Variants in C4orf17 observed in about 807,000 individuals in gnomAD.
The protein encoded by C4orf17 is chromosome 4 open reading frame 17, also known as uncharacterized protein C4orf17.
C4orf17 carries 25 observed loss-of-function variants against 32.0 expected under a neutral mutation model. That is an observed-to-expected ratio of 0.78 (90% CI 0.57 to 1.09). C4orf17 has a LOEUF of 1.09. Among genes scored for constraint, C4orf17 ranks in the 50% least tolerant of loss-of-function variants. The probability of loss-of-function intolerance (pLI) is 0.00; values close to 1 mark genes in which losing one functional copy is unlikely to be tolerated. For synonymous variants in C4orf17, 149 were observed against 145.8 expected, an observed-to-expected ratio of 1.02 and a Z score of -0.16; for missense variants, 420 against 420.0, an observed-to-expected ratio of 1.00 and a Z score of 0.00.
intron 8 of C4orf17, 63 bp from the exon 9 acceptor site, chr4:99,541,847 C>A: frequency 1.7e-6 from 2 of 1,165,988 alleles, no homozygotes; most frequent in Non-Finnish European, 2.5e-6. Context: ...ACTACTAAAA[C>A]ATGGAGAAGG....
At chr4:99,520,338 G>T (rs570901655) in intron 2 of C4orf17, among the ~76,000 whole-genome samples, 1 of 151,774 alleles carries the variant, frequency 6.6e-6, no homozygotes, top group Non-Finnish European at 1.5e-5. Context: ...CTCGTGATCC[G>T]CCCGCCTCAG....
intron 2 of C4orf17, among the ~76,000 whole-genome samples, chr4:99,518,498 AAAAAAAAAAAAAAAAAAAAAATATAT>A (rs1723223704): frequency 4.1e-5 from 2 of 49,070 alleles, no homozygotes; most frequent in African/African-American, 3.2e-4. Flanking sequence ...AAAAAAAAAA[AAAAAAAAAAAAAAAAAAAAAATATAT>A]ATATATATAT....
rs199802630 is a variant in C4orf17 at position 99,524,594 on chromosome 4, C to G, written c.402+9C>G. The G allele has an allele frequency of 6.5e-7, 1 of 1,533,742 alleles. No individual in the cohort carries two copies. Among genetic ancestry groups the G allele is most frequent in the Middle Eastern group, 1.7e-4 (1 of 5,882 alleles). On this transcript the variant is annotated intron_variant, in intron 4 of 8. Transcript: ENST00000326581. Reference sequence around the variant, plus strand: ...CCTTAGTAATTAAAAAGGTAAGGAACAGCTATTTACTGCTATCTATTTAGT... The same window carrying G: ...CCTTAGTAATTAAAAAGGTAAGGAAGAGCTATTTACTGCTATCTATTTAGT...
Position 99,522,680 on chromosome 4 carries a change from G to A in C4orf17, c.308G>A (p.Gly103Asp). 1 of 1,613,820 alleles carries A rather than the reference G, an allele frequency of 6.2e-7. No homozygotes were observed. ...PVRGMSPAPN[G>D]AKVPPRPHSE... ...AGAGGAATGTCGCCAGCCCCAAACG[G>A]TGCCAAAGTGCCTCCACGGCCTCAT... Residue 103 changes from glycine (G) to aspartate (D), a missense_variant, in exon 3 of 9, where the codon GGT (glycine) becomes GAT (aspartate). Transcript: ENST00000326581.
chr4:99,513,102 A>T lies in C4orf17; in HGVS notation c.21A>T (p.Thr7=), dbSNP rs112241691. The T allele has an allele frequency of 1.6e-5, 26 of 1,613,852 alleles. No homozygotes were observed. The African/African-American group carries it at 2.0e-4, about 12-fold the overall frequency. The change falls in exon 2 of 9, where the codon ACA becomes ACT. Residue 7 remains threonine (T), a synonymous_variant. Coordinates refer to ENST00000326581, the MANE Select transcript of C4orf17 (RefSeq NM_032149.3). ...CAAACATGAACCTCAACCCCCCGAC[A>T]TCTGCTCTTCAGATCGAGGGCAAAG... MNLNPP[T]SALQIEGKGS... is the part of the protein sequence containing the mutation.
At chr4:99,524,386 T>C in intron 3 of C4orf17, 135 bp from the exon 4 acceptor site, 1 of 557,048 alleles carries the variant, frequency 1.8e-6, no homozygotes, top group Non-Finnish European at 3.2e-6. Context: ...AATTTCCTAA[T>C]ATTTATAAAC....
rs756879880 is a variant in C4orf17, at chr4:99,522,715, T to C, written c.337+6T>C. On this transcript the variant is annotated splice_donor_region_variant and intron_variant, in intron 3 of 8. Transcript: ENST00000326581. ...GCCTCCACGGCCTCATTCTGGTGAGTTGAGTTAGAACTGATGAAATGTTTC... is the reference window on the plus strand; with the variant it reads ...GCCTCCACGGCCTCATTCTGGTGAGCTGAGTTAGAACTGATGAAATGTTTC... 6 of 1,610,490 alleles carry C rather than the reference T, an allele frequency of 3.7e-6. No individual in the cohort carries two copies. Among genetic ancestry groups the C allele is most frequent in the Non-Finnish European group, 5.1e-6 (6 of 1,177,736 alleles).
Position 99,518,499 on chromosome 4 carries a change from AAAAAAAAAAAAAAAAAAAAAT to A in C4orf17, c.128-3999_128-3979del, listed in dbSNP as rs1287710651. Among the ~76,000 whole-genome samples, 3 of 53,420 alleles carry A rather than the reference AAAAAAAAAAAAAAAAAAAAAT, an allele frequency of 5.6e-5. 1 individual carries two copies. The highest frequency in any genetic ancestry group is 4.1e-4 in the African/African-American group (3 of 7,350). The allele number at this position is 53,420 out of a possible 152,430, so 35.0% of individuals were successfully genotyped here. A position where few individuals can be genotyped will look rare whatever the true frequency, so the allele number is the denominator to read the frequency against. ...CCCTGTCTCTTTAAAAAAAAAAAAA[AAAAAAAAAAAAAAAAAAAAAT>A]ATATATATATATATATATATATATA... On this transcript the variant is annotated intron_variant, in intron 2 of 8. Transcript: ENST00000326581.
Position 99,520,089 on chromosome 4 carries a change from A to T in C4orf17, c.128-2411A>T, listed in dbSNP as rs76695446. Among the ~76,000 whole-genome samples the T allele has an allele frequency of 0.017, 2,345 of 139,658 alleles. 393 individuals are homozygous for T. The East Asian group carries it at 0.4, about 24-fold the overall frequency. The allele number at this position is 139,658 out of a possible 152,430, so 91.6% of individuals were successfully genotyped here. A position where few individuals can be genotyped will look rare whatever the true frequency, so the allele number is the denominator to read the frequency against. ...GAAAAAACCCCAAAACCCACATTTA[A>T]TTTTTTTTTTTTTTTTTTGAGACGG... On this transcript the variant is annotated intron_variant, in intron 2 of 8. Transcript: ENST00000326581.
At chr4:99,535,872 A>C in intron 5 of C4orf17, 1 of 434,776 alleles carries the variant, frequency 2.3e-6, no homozygotes, top group Non-Finnish European at 4.5e-6. Flanking sequence ...TTGTGGGCTT[A>C]TCTACCTTCA....
intron 5 of C4orf17, among the ~76,000 whole-genome samples, chr4:99,534,972 T>A (rs970825680): frequency 6.6e-6 from 1 of 152,136 alleles, no homozygotes; most frequent in Non-Finnish European, 1.5e-5. Context: ...CTAAAAAGGA[T>A]CTTATTTATC....
intron 5 of C4orf17, among the ~76,000 whole-genome samples, chr4:99,537,043 C>G (rs1421086185): frequency 1.3e-5 from 2 of 151,974 alleles, no homozygotes; most frequent in Non-Finnish European, 2.9e-5. Context: ...TTTACCCCAC[C>G]TCCATTAACT....
chr4:99,518,107 C>G (rs1723216214), intron 2 of C4orf17, among the ~76,000 whole-genome samples: 2 of 152,076 alleles, frequency 1.3e-5, no homozygotes, highest in Non-Finnish European at 2.9e-5. Context: ...CTCTCCATGG[C>G]TACTGTCACA....
chr4:99,539,367 C>T lies in C4orf17; in HGVS notation c.833C>T (p.Thr278Ile), dbSNP rs147917277. The T allele has an allele frequency of 2.6e-5, 42 of 1,613,268 alleles. No homozygotes were observed. In the African/African-American group the frequency reaches 4.3e-4, roughly 16 times the overall value. The change falls in exon 7 of 9, where the codon ACC becomes ATC. Residue 278 changes from threonine (T) to isoleucine (I), a missense_variant. By Grantham distance (89) the Thr-to-Ile change is moderately conservative. Transcript: ENST00000326581. ...LTRDTEGDQPTRVSSQGSEEN... is the reference protein window; with the variant it reads ...LTRDTEGDQPIRVSSQGSEEN... ...AGAGATACAGAAGGGGATCAACCAA[C>T]CAGGTAATTAGATATAATGGCCCCC...
At chr4:99,531,714 G>A (rs1723479343) in intron 5 of C4orf17, among the ~76,000 whole-genome samples, 1 of 152,172 alleles carries the variant, frequency 6.6e-6, no homozygotes. Context: ...TTGCCAAATA[G>A]TTGTTGACTA....
intron 2 of C4orf17, among the ~76,000 whole-genome samples, chr4:99,514,196 C>CAA (rs936276084): frequency 2.6e-5 from 4 of 151,880 alleles, no homozygotes; most frequent in African/African-American, 9.7e-5. Context: ...TTGGCTTAGG[C>CAA]AAATAATTCA....
At chr4:99,517,334 A>G (rs1286004948) in intron 2 of C4orf17, among the ~76,000 whole-genome samples, 3 of 152,180 alleles carry the variant, frequency 2.0e-5, no homozygotes, top group African/African-American at 7.2e-5. Flanking sequence ...AATGGATTCA[A>G]TCTTCCCCAG....
At chr4:99,516,017 T>C (rs1478864524) in intron 2 of C4orf17, among the ~76,000 whole-genome samples, 1 of 152,148 alleles carries the variant, frequency 6.6e-6, no homozygotes, top group African/African-American at 2.4e-5. Context: ...AACTGATTAG[T>C]ATAGAAGGTG....
chr4:99,516,374 A>G (rs1482413975), intron 2 of C4orf17, among the ~76,000 whole-genome samples: 5 of 152,208 alleles, frequency 3.3e-5, no homozygotes, highest in Non-Finnish European at 1.5e-5. Context: ...CTGAGTCTCA[A>G]ATAGGAACTT....
Sources: allele counts gnomAD v4.1 joint callset (sites outside exome capture counted in the v4.1 genomes callset), GRCh38; gene constraint gnomAD v4.1.1; transcripts MANE v1.5; gene names NCBI Gene and HGNC (gene_info 2026-07-23, HGNC 2026-07-21).